SRBD1: variants seen among roughly 807,000 people sequenced by gnomAD.
The protein encoded by SRBD1 is S1 RNA binding domain 1.
Under a neutral mutation model 115.3 loss-of-function variants are expected in SRBD1, and 88 were observed. The observed-to-expected ratio is 0.76, with a 90% confidence interval of 0.64 to 0.91. SRBD1 has a LOEUF of 0.91. Ranked by LOEUF, SRBD1 falls within the 40% of genes least tolerant of loss-of-function variation. SRBD1 has a pLI of 0.00. For missense variants in SRBD1, 1,385 were observed against 1,177.4 expected (o/e 1.18, Z -2.58); for synonymous variants, 509 against 407.7 (o/e 1.25, Z -2.99).
At chr2:45,456,193 G>C (rs777862215) in intron 16 of SRBD1, among the ~76,000 whole-genome samples, 7 of 151,822 alleles carry the variant, frequency 4.6e-5, no homozygotes, top group Non-Finnish European at 2.9e-5. Context: ...GGCCTTTCTG[G>C]AAAGTAAGGG....
intron 16 of SRBD1, among the ~76,000 whole-genome samples, chr2:45,473,249 T>C (rs894643749): frequency 5.9e-5 from 9 of 152,162 alleles, no homozygotes; most frequent in African/African-American, 1.7e-4. Flanking sequence ...AATCAAATTC[T>C]AGAGTTAATT....
chr2:45,482,799 C>T (rs566255207), intron 15 of SRBD1, among the ~76,000 whole-genome samples: 5 of 152,084 alleles, frequency 3.3e-5, no homozygotes, highest in South Asian at 4.2e-4. Flanking sequence ...CCAAAATCTG[C>T]GGATGCTCAA....
intron 14 of SRBD1, among the ~76,000 whole-genome samples, chr2:45,526,124 C>G (rs1033093424): frequency 6.6e-6 from 1 of 151,922 alleles, no homozygotes; most frequent in Non-Finnish European, 1.5e-5. Context: ...AGAAATGAGC[C>G]CATATGTCCA....
At position 45,488,455 on chromosome 2, in the gene SRBD1, T is replaced by C. The variant is rs373925846; in HGVS notation, c.1875-124A>G. 6.4e-4 allele frequency: 420 copies of C among 659,282 alleles called. 7 individuals carry two copies. The South Asian group carries it at 7.6e-3, about 12-fold the overall frequency. The allele number at this position is 659,282 out of a possible 1,614,324, so 40.8% of individuals were successfully genotyped here. On this transcript the variant is annotated intron_variant, in intron 14 of 20. Transcript: ENST00000263736. ...AACAGGGCAAACTGTTCTCTTCATATCTCAATGATACTGACAGCATCTAAT... is the reference window on the plus strand; with the variant it reads ...AACAGGGCAAACTGTTCTCTTCATACCTCAATGATACTGACAGCATCTAAT...
intron 10 of SRBD1, among the ~76,000 whole-genome samples, chr2:45,557,204 T>G (rs1172400060): frequency 6.6e-6 from 1 of 152,126 alleles, no homozygotes; most frequent in East Asian, 1.9e-4. Context: ...GGCTGGATCA[T>G]AAAGGGTCTT....
chr2:45,477,096 A>ATGTG, intron 15 of SRBD1, 21 bp from the exon 16 acceptor site: 1 of 1,600,098 alleles, frequency 6.2e-7, no homozygotes, highest in Non-Finnish European at 8.6e-7. Flanking sequence ...AGAATCAGAA[A>ATGTG]ACAAGTATGA....
intron 16 of SRBD1, among the ~76,000 whole-genome samples, chr2:45,472,925 TATTTTA>T (rs1426856588): frequency 6.6e-6 from 1 of 150,960 alleles, no homozygotes; most frequent in African/African-American, 2.4e-5. Flanking sequence ...TTATGTGGAA[TATTTTA>T]ATCCAAATCT....
Position 45,551,109 on chromosome 2 carries a change from T to A in SRBD1, c.1675+16A>T, listed in dbSNP as rs375676229. ...AACCAAACAACTTTTACATGGAAAA[T>A]TGCAAGACAACTTACTAGTAGGAGA... is the stretch of plus-strand genomic sequence containing the variant. On this transcript the variant is annotated intron_variant, in intron 12 of 20. Coordinates refer to ENST00000263736, the MANE Select transcript of SRBD1 (RefSeq NM_018079.5). 1 of 1,577,392 alleles carries A rather than the reference T, an allele frequency of 6.3e-7. No individual in the cohort carries two copies. Among genetic ancestry groups the A allele is most frequent in the African/African-American group, 1.4e-5 (1 of 72,876 alleles).
intron 18 of SRBD1, among the ~76,000 whole-genome samples, chr2:45,415,675 AGG>A (rs1558564870): frequency 2.6e-5 from 1 of 38,892 alleles, no homozygotes; most frequent in Non-Finnish European, 5.3e-5. Flanking sequence ...AGGGGAGGGG[AGG>A]GGAGGGGACG....
chr2:45,510,082 T>C (rs1169208796), intron 14 of SRBD1, among the ~76,000 whole-genome samples: 1 of 152,214 alleles, frequency 6.6e-6, no homozygotes, highest in Admixed American at 6.5e-5. Flanking sequence ...GCTATTTAAA[T>C]ATCCCCCCAA....
At chr2:45,493,819 A>T (rs1475778093) in intron 14 of SRBD1, among the ~76,000 whole-genome samples, 1 of 152,026 alleles carries the variant, frequency 6.6e-6, no homozygotes, top group Non-Finnish European at 1.5e-5. Context: ...CTCAAAAAAA[A>T]AAAAAAATAA....
intron 7 of SRBD1, among the ~76,000 whole-genome samples, chr2:45,578,420 A>C (rs1271092342): frequency 6.6e-6 from 1 of 152,202 alleles, no homozygotes; most frequent in East Asian, 1.9e-4. Flanking sequence ...AATTCACATA[A>C]TCCTTTTTTA....
At chr2:45,604,994 T>C (rs1478464901) in intron 2 of SRBD1, among the ~76,000 whole-genome samples, 3 of 152,270 alleles carry the variant, frequency 2.0e-5, no homozygotes, top group Non-Finnish European at 2.9e-5. Context: ...CTGCTAAAAA[T>C]CCTACAAGAA....
rs144062618 is a variant in SRBD1, at chr2:45,493,741, G to A, written c.1875-5410C>T. On this transcript the variant is annotated intron_variant, in intron 14 of 20. Transcript: ENST00000263736. The stretch of plus-strand genomic sequence containing the variant: ...AGGCAGAATCGTTTGAATCTGGAAG[G>A]TGAAGGTTGTAGTGAGCCAAGATCG... 1.7e-4 allele frequency among the ~76,000 whole-genome samples: 26 copies of A among 151,848 alleles called. 1 individual carries two copies. The highest frequency in any genetic ancestry group is 6.3e-4 in the African/African-American group (26 of 41,434).
chr2:45,534,753 A>G (rs1671716259), intron 14 of SRBD1, among the ~76,000 whole-genome samples: 1 of 152,014 alleles, frequency 6.6e-6, no homozygotes, highest in East Asian at 1.9e-4. Context: ...ATAAAACAGT[A>G]TTAACTTCAT....
chr2:45,419,439 C>T (rs1472053212), intron 17 of SRBD1, among the ~76,000 whole-genome samples: 1 of 152,290 alleles, frequency 6.6e-6, no homozygotes, highest in Admixed American at 6.5e-5. Flanking sequence ...CCAGGTTTGA[C>T]AGATGCATGC....
chr2:45,460,062 C>A (rs542125876), intron 16 of SRBD1, among the ~76,000 whole-genome samples: 3 of 152,148 alleles, frequency 2.0e-5, no homozygotes, highest in African/African-American at 4.8e-5. Context: ...TTTCCTTTTA[C>A]AAACTTAATG....
intron 4 of SRBD1, among the ~76,000 whole-genome samples, chr2:45,590,103 C>A: frequency 6.6e-6 from 1 of 152,216 alleles, no homozygotes; most frequent in East Asian, 1.9e-4. Context: ...GAAACCAATG[C>A]ACATGTTTTA....
At chr2:45,533,620 T>C (rs1482512205) in intron 14 of SRBD1, among the ~76,000 whole-genome samples, 1 of 152,014 alleles carries the variant, frequency 6.6e-6, no homozygotes, top group Admixed American at 6.6e-5. Flanking sequence ...AAATGTCAGT[T>C]TGGAGGAGTA....
Sources: gnomAD v4.1 joint callset for allele counts (sites outside exome capture counted in the v4.1 genomes callset) on GRCh38, gnomAD v4.1.1 for gene constraint, MANE v1.5 for transcripts, NCBI Gene and HGNC (gene_info 2026-07-23, HGNC 2026-07-21) for gene names.